LMNTD1: variants seen among roughly 807,000 people sequenced by gnomAD.
LMNTD1 encodes lamin tail domain-containing protein 1.
LMNTD1 carries 35 observed loss-of-function variants against 50.9 expected under a neutral mutation model. That is an observed-to-expected ratio of 0.69 (90% CI 0.53 to 0.91). LMNTD1 has a LOEUF of 0.91. LMNTD1 is among the 40% of genes least tolerant of loss of function. LMNTD1 has a pLI of 0.00. For synonymous variants in LMNTD1, 153 were observed against 161.9 expected, an observed-to-expected ratio of 0.94 and a Z score of 0.42; for missense variants, 470 against 475.5, an observed-to-expected ratio of 0.99 and a Z score of 0.11.
chr12:25,517,742 A>C (rs1384639768), intron 8 of LMNTD1, among the ~76,000 whole-genome samples: 1 of 34,616 alleles, frequency 2.9e-5, no homozygotes, highest in African/African-American at 6.1e-5. Flanking sequence ...AATAATAATA[A>C]TAATAAAAGA....
Position 25,519,980 on chromosome 12 carries a change from T to C in LMNTD1, c.894A>G (p.Thr298=). The change falls in exon 7 of 10, where the codon ACA becomes ACG. Residue 298 remains threonine, a synonymous_variant. Transcript: ENST00000458174. Reference sequence around the variant, plus strand: ...TCCACTGAAACACACGCTTTCGGAATGTTGGAGATACTACTGAACATCTGT... The same window carrying C: ...TCCACTGAAACACACGCTTTCGGAACGTTGGAGATACTACTGAACATCTGT... ...EFNRCSVVSP[T]FRKRVFQWTA... 6.2e-7 allele frequency: 1 copy of C among 1,613,668 alleles called. No individual in the cohort carries two copies. Among genetic ancestry groups the C allele is most frequent in the Non-Finnish European group, 8.5e-7 (1 of 1,179,798 alleles).
intron 3 of LMNTD1, among the ~76,000 whole-genome samples, 153 bp downstream of exon 3, chr12:25,549,173 C>T (rs1943604968): frequency 6.6e-6 from 1 of 151,866 alleles, no homozygotes; most frequent in African/African-American, 2.4e-5. Flanking sequence ...TCAGTGATGA[C>T]CATAGTTAAG....
At chr12:25,626,155 C>T (rs1489591711) in intron 1 of LMNTD1, among the ~76,000 whole-genome samples, 1 of 152,072 alleles carries the variant, frequency 6.6e-6, no homozygotes, top group Admixed American at 6.5e-5. Flanking sequence ...AACAGCTATT[C>T]GATTAGCCTT....
chr12:25,492,858 C>T, intron 9 of LMNTD1, among the ~76,000 whole-genome samples: 1 of 152,146 alleles, frequency 6.6e-6, no homozygotes, highest in Non-Finnish European at 1.5e-5. Flanking sequence ...ACACTTGGCC[C>T]CAGAATACAA....
intron 1 of LMNTD1, among the ~76,000 whole-genome samples, chr12:25,606,057 T>G (rs901203828): frequency 1.3e-5 from 2 of 152,220 alleles, no homozygotes; most frequent in Non-Finnish European, 2.9e-5. Flanking sequence ...ACATCCCTTG[T>G]AAGTTGGATT....
intron 1 of LMNTD1, among the ~76,000 whole-genome samples, chr12:25,594,637 A>G (rs1416914155): frequency 7.3e-6 from 1 of 136,062 alleles, no homozygotes; most frequent in Non-Finnish European, 1.6e-5. Context: ...CACAGGACCT[A>G]TAAAACAGAA....
At chr12:25,594,279 A>G (rs1262518464) in intron 1 of LMNTD1, among the ~76,000 whole-genome samples, 2 of 152,196 alleles carry the variant, frequency 1.3e-5, no homozygotes, top group African/African-American at 4.8e-5. Flanking sequence ...TCTAAAGTTA[A>G]GATAAAGGAA....
intron 4 of LMNTD1, among the ~76,000 whole-genome samples, chr12:25,532,452 G>A (rs1395279217): frequency 6.6e-6 from 1 of 151,954 alleles, no homozygotes; most frequent in Non-Finnish European, 1.5e-5. Context: ...CCAGTCATAC[G>A]AATCTTGAGA....
chr12:25,496,006 G>T (rs1939050594), intron 9 of LMNTD1, among the ~76,000 whole-genome samples: 1 of 152,190 alleles, frequency 6.6e-6, no homozygotes, highest in African/African-American at 2.4e-5. Flanking sequence ...CAATGAATCA[G>T]AGATATGTAG....
intron 1 of LMNTD1, among the ~76,000 whole-genome samples, chr12:25,592,274 C>T (rs190894991): frequency 7.2e-4 from 109 of 152,240 alleles, no homozygotes; most frequent in Non-Finnish European, 9.9e-4. Context: ...AGGCTTGCAT[C>T]GTGAACTATT....
intron 1 of LMNTD1, among the ~76,000 whole-genome samples, chr12:25,627,338 C>T (rs528579375): frequency 2.0e-4 from 31 of 152,058 alleles, no homozygotes; most frequent in Non-Finnish European, 4.0e-4. Context: ...CTTTGAAAAA[C>T]TCTAAGCGCA....
At chr12:25,612,885 TCTC>T (rs1946278629) in intron 1 of LMNTD1, among the ~76,000 whole-genome samples, 1 of 152,116 alleles carries the variant, frequency 6.6e-6, no homozygotes, top group Admixed American at 6.5e-5. Flanking sequence ...GGTAAGGTGA[TCTC>T]CTGCATTATC....
intron 1 of LMNTD1, among the ~76,000 whole-genome samples, chr12:25,562,226 A>C (rs2136308719): frequency 6.6e-6 from 1 of 152,306 alleles, no homozygotes; most frequent in Non-Finnish European, 1.5e-5. Flanking sequence ...GTTTCTTCCT[A>C]GCATTGATGG....
chr12:25,551,108 T>G (rs780027333), intron 2 of LMNTD1, among the ~76,000 whole-genome samples: 2 of 152,166 alleles, frequency 1.3e-5, no homozygotes, highest in African/African-American at 2.4e-5. Flanking sequence ...AGACACGACT[T>G]CTCCCTGACA....
chr12:25,549,380 G>T lies in LMNTD1; in HGVS notation c.256C>A (p.Gln86Lys). The T allele has an allele frequency of 6.2e-7, 1 of 1,612,910 alleles. No individual in the cohort carries two copies. Among genetic ancestry groups the T allele is most frequent in the Non-Finnish European group, 8.5e-7 (1 of 1,179,208 alleles). Residue 86 changes from glutamine to lysine, a missense_variant, in exon 3 of 10, where the codon CAA becomes AAA. Transcript: ENST00000458174. ...ISRVTISTTG[Q>K]LTSKATVGSC... ...CCTACAGTAGCTTTAGAAGTCAATT[G>T]TCCAGTTGTTGATATAGTTACTCTA...
intron 4 of LMNTD1, among the ~76,000 whole-genome samples, chr12:25,539,003 CA>C (rs1372169860): frequency 6.6e-6 from 1 of 151,274 alleles, no homozygotes; most frequent in African/African-American, 2.4e-5. Flanking sequence ...GTAATGGGAT[CA>C]ATTCAACAAG....
rs116059193 is a variant in LMNTD1, at chr12:25,511,834, G to C, written c.1189+6961C>G. Among the ~76,000 whole-genome samples, 556 of 152,172 alleles carry C rather than the reference G, an allele frequency of 3.7e-3. 4 individuals carry two copies. Among genetic ancestry groups the C allele is most frequent in the African/African-American group, 0.013 (541 of 41,526 alleles). On this transcript the variant is annotated intron_variant, in intron 8 of 9. Coordinates refer to ENST00000458174, the MANE Select transcript of LMNTD1 (RefSeq NM_001145728.2). ...TATATTTCAGTCGGATACAATTTCT[G>C]TCTGTTCACTGAACCCAAAGTTTAT...
chr12:25,607,423 G>A (rs912254837), intron 1 of LMNTD1, among the ~76,000 whole-genome samples: 6 of 152,128 alleles, frequency 3.9e-5, no homozygotes, highest in Non-Finnish European at 5.9e-5. Context: ...TAATTGTGAT[G>A]TTAGGGTGTC....
At chr12:25,491,781 T>C (rs558528646) in intron 9 of LMNTD1, among the ~76,000 whole-genome samples, 142 of 152,338 alleles carry the variant, frequency 9.3e-4, no homozygotes, top group African/African-American at 3.3e-3. Flanking sequence ...GCTTAACCCC[T>C]AAACAATCAA....
Sources: allele counts gnomAD v4.1 joint callset (sites outside exome capture counted in the v4.1 genomes callset), GRCh38; gene constraint gnomAD v4.1.1; transcripts MANE v1.5; gene names NCBI Gene and HGNC (gene_info 2026-07-23, HGNC 2026-07-21).